Variants in STK10 observed in about 807,000 individuals in gnomAD.
STK10 encodes the protein serine/threonine-protein kinase 10.
STK10 carries 78 observed loss-of-function variants against 113.8 expected under a neutral mutation model. The ratio of observed to expected loss-of-function variants is 0.69; its 90% CI spans 0.57 to 0.83. STK10 has a LOEUF of 0.83. Among genes scored for constraint, STK10 ranks in the 40% least tolerant of loss-of-function variants. The probability of loss-of-function intolerance (pLI) is 0.00; values close to 1 mark genes in which losing one functional copy is unlikely to be tolerated. For missense variants in STK10, 1,109 were observed against 1,280.1 expected (o/e 0.87, Z 2.04); for synonymous variants, 465 against 494.7 (o/e 0.94, Z 0.80).
At chr5:172,104,786 A>G (rs1431222447) in intron 7 of STK10, among the ~76,000 whole-genome samples, 2 of 152,178 alleles carry the variant, frequency 1.3e-5, no homozygotes, top group African/African-American at 2.4e-5. Context: ...TGCAAACAAT[A>G]TGGCTTAGGT....
chr5:172,065,342 A>C (rs1456035653), intron 12 of STK10, among the ~76,000 whole-genome samples: 1 of 147,890 alleles, frequency 6.8e-6, no homozygotes, highest in Admixed American at 6.8e-5. Context: ...CTCCTGCCTA[A>C]GCCTTCCAAG....
chr5:172,156,588 G>A (rs764245536), intron 2 of STK10, 36 bp downstream of exon 2: 1 of 1,593,000 alleles, frequency 6.3e-7, no homozygotes, highest in East Asian at 2.2e-5. Context: ...CCAGGCCATG[G>A]GGGCTGAGCT....
At chr5:172,127,459 C>T in intron 2 of STK10, 38 bp from the exon 3 acceptor site, 1 of 1,610,994 alleles carries the variant, frequency 6.2e-7, no homozygotes, top group Non-Finnish European at 8.5e-7. Context: ...ATGAGTGGGG[C>T]TGCCCAGCCG....
At chr5:172,175,763 G>A (rs1217577602) in intron 1 of STK10, among the ~76,000 whole-genome samples, 1 of 152,130 alleles carries the variant, frequency 6.6e-6, no homozygotes, top group Non-Finnish European at 1.5e-5. Flanking sequence ...TTCTCTCTGT[G>A]CTATGCAAGA....
chr5:172,144,846 A>G (rs886354173), intron 2 of STK10, among the ~76,000 whole-genome samples: 1 of 152,026 alleles, frequency 6.6e-6, no homozygotes, highest in African/African-American at 2.4e-5. Flanking sequence ...GATGACTTAG[A>G]TACCCCCCAC....
Position 172,188,137 on chromosome 5 carries a change from C to T in STK10, c.-95G>A. ...GAGAAGGAGGAGGAGTTGGAGGACGCCGCGTCTCTCGGGGTTCTCCCCAGA... is the reference window on the plus strand; with the variant it reads ...GAGAAGGAGGAGGAGTTGGAGGACGTCGCGTCTCTCGGGGTTCTCCCCAGA... On this transcript the variant is annotated 5_prime_UTR_variant, in exon 1 of 19. Coordinates refer to ENST00000176763, the MANE Select transcript of STK10 (RefSeq NM_005990.4). The surrounding 1 kb of genome is among the most constrained non-coding windows in gnomAD (Gnocchi z 5.6). 1.3e-6 allele frequency: 2 copies of T among 1,505,732 alleles called. No homozygotes were observed. The highest frequency in any genetic ancestry group is 2.0e-4 in the Middle Eastern group (1 of 4,914). 93.3% of individuals were successfully genotyped at this position (1,505,732 alleles called of 1,614,324 possible). A position where few individuals can be genotyped will look rare whatever the true frequency, so the allele number is the denominator to read the frequency against.
intron 7 of STK10, among the ~76,000 whole-genome samples, chr5:172,100,609 A>C (rs1434358666): frequency 6.6e-6 from 1 of 152,094 alleles, no homozygotes; most frequent in Non-Finnish European, 1.5e-5. Flanking sequence ...CAACATGGCG[A>C]AATCCCATCT....
chr5:172,048,040 T>C lies in STK10; in HGVS notation c.2767-3018A>G, dbSNP rs1429131694. Among the ~76,000 whole-genome samples the C allele has an allele frequency of 2.6e-5, 4 of 151,976 alleles. No individual in the cohort carries two copies. The South Asian group carries it at 6.2e-4, about 24-fold the overall frequency. On this transcript the variant is annotated intron_variant, in intron 18 of 18. Coordinates refer to ENST00000176763, the MANE Select transcript of STK10 (RefSeq NM_005990.4). ...GCCTCAGCCCCCCATGTAGCTGGGA[T>C]TACAGGCATGCGCCACTGTGCCCGA...
chr5:172,104,681 CGCT>C (rs34040967), intron 7 of STK10, among the ~76,000 whole-genome samples: 15,155 of 152,160 alleles, frequency 0.1, 857 homozygotes, highest in East Asian at 0.13. Flanking sequence ...CAGAAAGGGC[CGCT>C]AACAAGGTTG....
At chr5:172,160,677 G>GA (rs1660485729) in intron 1 of STK10, among the ~76,000 whole-genome samples, 1 of 152,126 alleles carries the variant, frequency 6.6e-6, no homozygotes, top group Non-Finnish European at 1.5e-5. Flanking sequence ...GACTGCACCG[G>GA]AAATTCCGGC....
At position 172,057,380 on chromosome 5, in the gene STK10, TG is replaced by T; in HGVS notation, c.2305del (p.Gln769SerfsTer23). 1 of 1,565,550 alleles carries T rather than the reference TG, an allele frequency of 6.4e-7. No individual in the cohort carries two copies. ...KQQLKDQYFL[Q>X]RHELLRKHEK... ...ATGCTTGCGCAGCAGCTCGTGCCGC[TG>T]GAGGAAGTACTGGTCTTTGAGCTGC... On this transcript the variant is annotated frameshift_variant, in exon 15 of 19. Coordinates refer to ENST00000176763, the MANE Select transcript of STK10 (RefSeq NM_005990.4). LOFTEE classifies it high-confidence loss of function.
chr5:172,106,708 C>T lies in STK10; in HGVS notation c.700G>A (p.Glu234Lys), dbSNP rs753239094. Residue 234 changes from glutamate (E) to lysine (K), a missense_variant, in exon 6 of 19, where the codon GAG becomes AAG. This residue lies in a region of STK10 where 885 missense variants were observed against 991.1 expected (regional missense o/e 0.89). Transcript: ENST00000176763. ...GGGTTGAGCTCGTGGTGTGGCGGCTCGATCTGGGCCATCTCAATCAGCGTG... is the reference window on the plus strand; with the variant it reads ...GGGTTGAGCTCGTGGTGTGGCGGCTTGATCTGGGCCATCTCAATCAGCGTG... The part of the protein sequence containing the change: ...GITLIEMAQI[E>K]PPHHELNPMR... 8.7e-6 allele frequency: 14 copies of T among 1,614,034 alleles called. No homozygotes were observed. Among genetic ancestry groups the T allele is most frequent in the Non-Finnish European group, 1.2e-5 (14 of 1,180,018 alleles).
chr5:172,184,912 C>T (rs1044320181), intron 1 of STK10, among the ~76,000 whole-genome samples: 1 of 152,166 alleles, frequency 6.6e-6, no homozygotes, highest in Admixed American at 6.5e-5. Flanking sequence ...CCACCCGCCT[C>T]GGCCTCCTGA....
intron 4 of STK10, among the ~76,000 whole-genome samples, chr5:172,116,225 C>T (rs1255329337): frequency 3.3e-5 from 5 of 152,126 alleles, no homozygotes; most frequent in South Asian, 4.1e-4. Context: ...GGAATACAGG[C>T]GTGTGCCACC....
rs554866441 is a variant in STK10, at chr5:172,144,710, C to T, written c.321+11914G>A. 4.6e-5 allele frequency among the ~76,000 whole-genome samples: 7 copies of T among 152,262 alleles called. No individual in the cohort carries two copies. In the South Asian group the frequency reaches 1.5e-3, roughly 32 times the overall value. ...TAGGACTGCCCTTGAGCAGGGTGAA[C>T]TGAGTTCACCCATGGGCAAGGGCAT... is the stretch of plus-strand genomic sequence containing the variant. On this transcript the variant is annotated intron_variant, in intron 2 of 18. Transcript: ENST00000176763.
In STK10 at chr5:172,071,341, C is replaced by CAAAAAA. The variant is rs58271522; in HGVS notation, c.1990-6535_1990-6530dup. Among the ~76,000 whole-genome samples the CAAAAAA allele has an allele frequency of 1.9e-3, 103 of 53,868 alleles. 7 individuals carry two copies. Among genetic ancestry groups the CAAAAAA allele is most frequent in the African/African-American group, 7.5e-3 (97 of 13,004 alleles). The allele number at this position is 53,868 out of a possible 152,430, so 35.3% of individuals were successfully genotyped here. On this transcript the variant is annotated intron_variant, in intron 12 of 18. Transcript: ENST00000176763. ...ACTAAAACTGAGGCAGGATAGGTAGCAAAAAAAAAAAAAAAAAAAAAATGA... is the reference window on the plus strand; with the variant it reads ...ACTAAAACTGAGGCAGGATAGGTAGCAAAAAAAAAAAAAAAAAAAAAAAAAAAATGA...
chr5:172,088,141 C>T (rs952479154), intron 10 of STK10, among the ~76,000 whole-genome samples: 30 of 152,108 alleles, frequency 2.0e-4, no homozygotes, highest in African/African-American at 7.0e-4. Flanking sequence ...AACTCCTGGG[C>T]TCAAGTGATC....
In STK10 at chr5:172,055,722, G is replaced by A. The variant is rs140431437; in HGVS notation, c.2392C>T (p.Arg798Trp). Residue 798 changes from arginine (R) to tryptophan (W), a missense_variant, in exon 16 of 19, where the codon CGG becomes TGG. Physicochemically the swap from Arg to Trp is moderately radical, Grantham distance 101. Around this residue, in one of 5 missense-constraint regions of STK10, gnomAD observed 885 missense variants for 991.1 expected, o/e 0.89. Transcript: ENST00000176763. Reference protein sequence around the residue: ...NQRMIEQLKVRQQQEKARLPK... With the variant: ...NQRMIEQLKVWQQQEKARLPK... Reference sequence around the variant, plus strand: ...AGCCGCGCCTTTTCCTGTTGCTGCCGCACCTTCAGCTGCTCTATCATGCGC... The same window carrying A: ...AGCCGCGCCTTTTCCTGTTGCTGCCACACCTTCAGCTGCTCTATCATGCGC... 9.8e-5 allele frequency: 154 copies of A among 1,577,684 alleles called. 1 individual carries two copies. The African/African-American group carries it at 1.7e-3, about 17-fold the overall frequency.
At chr5:172,142,435 G>A (rs918308110) in intron 2 of STK10, among the ~76,000 whole-genome samples, 2 of 152,142 alleles carry the variant, frequency 1.3e-5, no homozygotes, top group African/African-American at 4.8e-5. Context: ...GTGTTCTAAG[G>A]TTTTACATCA....
Sources: gnomAD v4.1 joint callset for allele counts (sites outside exome capture counted in the v4.1 genomes callset) on GRCh38, gnomAD v4.1.1 for gene constraint, gnomAD v4.1.1 regional missense constraint, Gnocchi (gnomAD v3.1) non-coding constraint, MANE v1.5 for transcripts, NCBI Gene and HGNC (gene_info 2026-07-23, HGNC 2026-07-21) for gene names.